Variants in TMTC1 observed in about 807,000 individuals in gnomAD.
TMTC1 encodes the protein protein O-mannosyl-transferase TMTC1.
TMTC1 carries 73 observed loss-of-function variants against 104.8 expected under a neutral mutation model. The observed-to-expected ratio is 0.70, with a 90% CI of 0.58 to 0.85. The LOEUF is 0.85. Among genes scored for constraint, TMTC1 ranks in the 40% least tolerant of loss-of-function variants. The pLI is 0.00. For missense variants in TMTC1, 1,035 were observed against 1,096.1 expected (o/e 0.94, Z 0.79); for synonymous variants, 434 against 428.7 (o/e 1.01, Z -0.15).
rs143646209 is a variant in TMTC1, at chr12:29,777,164, G to A, written c.302+6286C>T. Among the ~76,000 whole-genome samples, 1,368 of 151,670 alleles carry A rather than the reference G, an allele frequency of 9.0e-3. 11 individuals carry two copies. Among genetic ancestry groups the A allele is most frequent in the Middle Eastern group, 0.044 (13 of 294 alleles). On this transcript the variant is annotated intron_variant, in intron 1 of 17. Transcript: ENST00000539277. The stretch of plus-strand genomic sequence containing the variant: ...GGCTGGAGTGCGGTGGTGCAATCTC[G>A]GCTCACTGAAACCTCTGCCTCCCAG...
At chr12:29,570,961 G>T (rs1037247802) in intron 9 of TMTC1, among the ~76,000 whole-genome samples, 1 of 143,550 alleles carries the variant, frequency 7.0e-6, no homozygotes. Context: ...TTAAGTAACA[G>T]GTCCTAAAGT....
At chr12:29,690,155 C>G (rs1209066238) in intron 5 of TMTC1, among the ~76,000 whole-genome samples, 1 of 152,154 alleles carries the variant, frequency 6.6e-6, no homozygotes, top group Non-Finnish European at 1.5e-5. Flanking sequence ...CATCCCAGAG[C>G]CTTTTGGAGA....
chr12:29,559,260 T>C (rs1945319467), intron 9 of TMTC1, among the ~76,000 whole-genome samples: 1 of 152,202 alleles, frequency 6.6e-6, no homozygotes, highest in Non-Finnish European at 1.5e-5. Context: ...CTAAATTCAA[T>C]AAGACCTTCC....
At chr12:29,561,985 G>A (rs540390865) in intron 9 of TMTC1, among the ~76,000 whole-genome samples, 18 of 152,202 alleles carry the variant, frequency 1.2e-4, no homozygotes, top group African/African-American at 3.6e-4. Context: ...AATTCCACTG[G>A]ACTGAAAAAT....
chr12:29,623,825 A>ATAAATAAAT (rs375861616), intron 6 of TMTC1, among the ~76,000 whole-genome samples: 8,019 of 148,736 alleles, frequency 0.054, 578 homozygotes, highest in African/African-American at 0.17. Flanking sequence ...AAATAAATAA[A>ATAAATAAAT]TAAATTAAAT....
chr12:29,556,845 C>T lies in TMTC1; in HGVS notation c.1676+12G>A, dbSNP rs371590307. On this transcript the variant is annotated intron_variant, in intron 10 of 17. Transcript: ENST00000539277. ...GCAAGGCCACCTGATCGATGGTAAA[C>T]GTCCCACTTACTTGAGGAGATTCCC... is the stretch of plus-strand genomic sequence containing the variant. 4.6e-5 allele frequency: 74 copies of T among 1,613,534 alleles called. No homozygotes were observed. The highest frequency in any genetic ancestry group is 5.6e-5 in the Non-Finnish European group (66 of 1,179,868).
chr12:29,596,038 A>C (rs2136371638), intron 7 of TMTC1, among the ~76,000 whole-genome samples: 1 of 150,596 alleles, frequency 6.6e-6, no homozygotes, highest in East Asian at 2.0e-4. Context: ...ACGGAGTCTC[A>C]CTCTGTTGCC....
At chr12:29,749,114 C>T (rs1369527575) in intron 5 of TMTC1, among the ~76,000 whole-genome samples, 5 of 152,110 alleles carry the variant, frequency 3.3e-5, no homozygotes, top group African/African-American at 9.7e-5. Flanking sequence ...TCAGGAGTCC[C>T]GTTCTTTGGA....
intron 8 of TMTC1, among the ~76,000 whole-genome samples, chr12:29,574,026 CAGAAAGAAG>C (rs1485000371): frequency 2.0e-5 from 3 of 151,632 alleles, no homozygotes; most frequent in Non-Finnish European, 4.4e-5. Context: ...GGGAGTGGAG[CAGAAAGAAG>C]ATGAGAGAAA....
intron 5 of TMTC1, among the ~76,000 whole-genome samples, chr12:29,714,328 T>A (rs1352684489): frequency 6.6e-6 from 1 of 152,260 alleles, no homozygotes; most frequent in Non-Finnish European, 1.5e-5. Context: ...AAGTGCTTTA[T>A]GCATATTGCC....
At chr12:29,673,714 T>C (rs1167077191) in intron 5 of TMTC1, among the ~76,000 whole-genome samples, 1 of 150,760 alleles carries the variant, frequency 6.6e-6, no homozygotes, top group Non-Finnish European at 1.5e-5. Flanking sequence ...ATTATCTCTG[T>C]GTAAGATGCT....
chr12:29,674,053 C>T (rs1940629482), intron 5 of TMTC1, among the ~76,000 whole-genome samples: 1 of 152,072 alleles, frequency 6.6e-6, no homozygotes, highest in African/African-American at 2.4e-5. Flanking sequence ...GCCACCACGC[C>T]CAGCCTTGCC....
chr12:29,766,774 A>G (rs1592030449), intron 2 of TMTC1, among the ~76,000 whole-genome samples: 2 of 152,268 alleles, frequency 1.3e-5, no homozygotes, highest in South Asian at 2.1e-4. Context: ...AACTCTGGAA[A>G]AGAGTCTTGT....
chr12:29,669,732 G>A (rs1000362399), intron 5 of TMTC1, among the ~76,000 whole-genome samples: 10 of 152,300 alleles, frequency 6.6e-5, no homozygotes, highest in South Asian at 2.1e-4. Flanking sequence ...ATAAAAACTT[G>A]CTACTAAGAA....
intron 14 of TMTC1, among the ~76,000 whole-genome samples, chr12:29,516,835 T>C (rs11050264): frequency 0.029 from 4,481 of 152,278 alleles, 166 homozygotes; most frequent in East Asian, 0.13. Flanking sequence ...ATTTGATTTA[T>C]TGCACATCTA....
chr12:29,607,068 C>T (rs931233177), intron 6 of TMTC1, among the ~76,000 whole-genome samples: 10 of 152,034 alleles, frequency 6.6e-5, no homozygotes, highest in Non-Finnish European at 1.3e-4. Context: ...AGTCAAGGAG[C>T]GATCAGCCTC....
intron 5 of TMTC1, among the ~76,000 whole-genome samples, chr12:29,699,612 T>C (rs947256214): frequency 2.6e-5 from 4 of 151,558 alleles, no homozygotes; most frequent in Admixed American, 6.6e-5. Flanking sequence ...ATCAGTACTT[T>C]ATTTGGCACA....
At chr12:29,646,462 T>C (rs1398150361) in intron 5 of TMTC1, among the ~76,000 whole-genome samples, 1 of 152,158 alleles carries the variant, frequency 6.6e-6, no homozygotes, top group African/African-American at 2.4e-5. Flanking sequence ...GTAATGGAAA[T>C]ACAATATGTA....
At chr12:29,724,764 A>G (rs1942335291) in intron 5 of TMTC1, among the ~76,000 whole-genome samples, 1 of 152,098 alleles carries the variant, frequency 6.6e-6, no homozygotes, top group South Asian at 2.1e-4. Context: ...ATTCACAATA[A>G]TGTTACCTCT....
Sources: gnomAD v4.1 joint callset for allele counts (sites outside exome capture counted in the v4.1 genomes callset) on GRCh38, gnomAD v4.1.1 for gene constraint, MANE v1.5 for transcripts, NCBI Gene and HGNC (gene_info 2026-07-23, HGNC 2026-07-21) for gene names.